The following DNM3 variants were observed in gnomAD, a reference collection of about 807,000 sequenced individuals.
DNM3 encodes the protein dynamin 3.
A neutral mutation model predicts 101.6 loss-of-function variants in DNM3; 47 were observed. The observed-to-expected ratio is 0.46, with a 90% CI of 0.37 to 0.59. The LOEUF is 0.59. Ranked by LOEUF, DNM3 falls within the 20% of genes least tolerant of loss-of-function variation. The pLI, the probability that DNM3 is intolerant of heterozygous loss-of-function variation, is 0.00. For missense variants in DNM3, 849 were observed against 1,085.7 expected (o/e 0.78, Z 3.06); for synonymous variants, 385 against 387.9 (o/e 0.99, Z 0.09).
At chr1:172,043,735 G>A (rs1333073762) in intron 8 of DNM3, among the ~76,000 whole-genome samples, 2 of 152,136 alleles carry the variant, frequency 1.3e-5, no homozygotes, top group African/African-American at 4.8e-5. Context: ...GGAGGAAATG[G>A]ACAGACAATG....
intron 1 of DNM3, among the ~76,000 whole-genome samples, chr1:171,865,348 T>C (rs1237614302): frequency 6.6e-6 from 1 of 151,234 alleles, no homozygotes; most frequent in African/African-American, 2.4e-5. Context: ...AAACCTCATC[T>C]CTACAAAAAA....
At position 172,261,890 on chromosome 1, in the gene DNM3, C is replaced by A. The variant is rs1331659814; in HGVS notation, c.1769+8208C>A. Among the ~76,000 whole-genome samples the A allele has an allele frequency of 2.6e-5, 4 of 152,114 alleles. No individual in the cohort carries two copies. The East Asian group carries it at 7.7e-4, about 29-fold the overall frequency. On this transcript the variant is annotated intron_variant, in intron 15 of 20. Coordinates refer to ENST00000627582, the MANE Select transcript of DNM3 (RefSeq NM_015569.5). ...ATGATCTTCAGGCCCCTGGAAAGTA[C>A]ATGCAGGTGATGCTCAGGCCCCTGG...
intron 1 of DNM3, among the ~76,000 whole-genome samples, chr1:171,903,820 C>T (rs1415457279): frequency 6.6e-6 from 1 of 152,074 alleles, no homozygotes; most frequent in Non-Finnish European, 1.5e-5. Flanking sequence ...TTTACATAGA[C>T]CTTGAACATT....
chr1:171,885,038 G>T lies in DNM3; in HGVS notation c.162-36710G>T, dbSNP rs532062356. ...GCTTGGCACAAGGTAGTTGCTTGGG[G>T]AATGGTGAATTGATCTATACAGTTA... On this transcript the variant is annotated intron_variant, in intron 1 of 20. Transcript: ENST00000627582. Among the ~76,000 whole-genome samples the T allele has an allele frequency of 1.3e-5, 2 of 152,250 alleles. 1 individual carries two copies. Among genetic ancestry groups the T allele is most frequent in the African/African-American group, 4.8e-5 (2 of 41,540 alleles).
chr1:171,845,824 C>T (rs544427716), intron 1 of DNM3, among the ~76,000 whole-genome samples: 4 of 152,194 alleles, frequency 2.6e-5, no homozygotes, highest in South Asian at 2.1e-4. Context: ...GTTGCTAATA[C>T]GCAGATGTTT....
intron 14 of DNM3, among the ~76,000 whole-genome samples, chr1:172,167,475 G>T (rs547616308): frequency 6.6e-6 from 1 of 152,154 alleles, no homozygotes; most frequent in Non-Finnish European, 1.5e-5. Context: ...TCTAGTTCTA[G>T]ATCCTTGAGG....
intron 1 of DNM3, among the ~76,000 whole-genome samples, chr1:171,882,331 G>C (rs534133910): frequency 2.8e-5 from 3 of 108,156 alleles, no homozygotes. Context: ...CAACAAGAGC[G>C]AAACTCCGTC....
intron 14 of DNM3, among the ~76,000 whole-genome samples, chr1:172,155,261 G>A (rs1298476187): frequency 2.0e-5 from 3 of 150,270 alleles, no homozygotes; most frequent in African/African-American, 7.4e-5. Flanking sequence ...TAATAAACAT[G>A]CATTTCTCAA....
At chr1:172,130,004 G>C (rs1261728275) in intron 13 of DNM3, among the ~76,000 whole-genome samples, 3 of 152,096 alleles carry the variant, frequency 2.0e-5, no homozygotes, top group Admixed American at 1.3e-4. Flanking sequence ...GGTGACAGGG[G>C]CTGGAAATAT....
intron 14 of DNM3, among the ~76,000 whole-genome samples, chr1:172,241,239 A>G (rs1573092563): frequency 6.7e-6 from 1 of 148,342 alleles, no homozygotes; most frequent in African/African-American, 2.5e-5. Context: ...ATATACATAG[A>G]TGTGTGTGTG....
intron 14 of DNM3, among the ~76,000 whole-genome samples, chr1:172,248,292 A>T (rs898722077): frequency 2.0e-4 from 31 of 152,174 alleles, no homozygotes; most frequent in Non-Finnish European, 3.8e-4. Context: ...TAATTTTTAC[A>T]CAATGGTCTA....
At chr1:172,308,602 C>A in intron 15 of DNM3, 126 bp from the exon 16 acceptor site, 49 of 411,070 alleles carry the variant, frequency 1.2e-4, no homozygotes, top group Admixed American at 1.7e-4. Flanking sequence ...TTTTTGTTTT[C>A]CTTCAGTGAC....
intron 14 of DNM3, among the ~76,000 whole-genome samples, chr1:172,176,214 G>A (rs753015225): frequency 6.6e-6 from 1 of 151,758 alleles, no homozygotes; most frequent in Non-Finnish European, 1.5e-5. Flanking sequence ...GATATAGGGT[G>A]GAAGCAGAAG....
chr1:172,068,628 G>T (rs2051895741), intron 10 of DNM3, among the ~76,000 whole-genome samples, 191 bp from the exon 11 acceptor site: 2 of 152,108 alleles, frequency 1.3e-5, no homozygotes, highest in South Asian at 4.1e-4. Context: ...ACATAACAAG[G>T]TTACTTCTGA....
chr1:171,841,709 A>G lies in DNM3; in HGVS notation c.53A>G (p.Asp18Gly). Residue 18 changes from aspartate (D) to glycine (G), a missense_variant, in exon 1 of 21, where the codon GAC becomes GGC. Asp to Gly is a moderately conservative substitution (Grantham distance 94, BLOSUM62 -1). This residue lies in a region of DNM3 where 388 missense variants were observed against 483.0 expected (regional missense o/e 0.80). Transcript: ENST00000627582. The part of the protein sequence containing the change: ...ELIPLVNRLQ[D>G]AFSALGQSCL... The stretch of plus-strand genomic sequence containing the variant: ...ATCCCGCTGGTGAACCGTCTGCAGG[A>G]CGCGTTTTCGGCGCTGGGACAGAGC... 6.2e-7 allele frequency: 1 copy of G among 1,611,842 alleles called. No homozygotes were observed. Among genetic ancestry groups the G allele is most frequent in the Non-Finnish European group, 8.5e-7 (1 of 1,179,392 alleles).
chr1:172,236,517 C>A (rs542195786), intron 14 of DNM3, among the ~76,000 whole-genome samples: 1 of 151,724 alleles, frequency 6.6e-6, no homozygotes, highest in South Asian at 2.1e-4. Flanking sequence ...TGTATATAAT[C>A]ATTAGGGTTT....
At position 172,047,290 on chromosome 1, in the gene DNM3, A is replaced by G. The variant is rs10910974; in HGVS notation, c.1197-1322A>G. Among the ~76,000 whole-genome samples, 1,363 of 152,262 alleles carry G rather than the reference A, an allele frequency of 9.0e-3. 18 individuals are homozygous for G. Among genetic ancestry groups the G allele is most frequent in the African/African-American group, 0.03 (1,253 of 41,552 alleles). On this transcript the variant is annotated intron_variant, in intron 9 of 20. Coordinates refer to ENST00000627582, the MANE Select transcript of DNM3 (RefSeq NM_015569.5). ...TGGAGCAAATCAAGATAAATAGGGT[A>G]ACAACTCTCCTTACTGTGTATCCTG...
chr1:172,398,400 G>T (rs12134821), intron 20 of DNM3, among the ~76,000 whole-genome samples: 2 of 152,126 alleles, frequency 1.3e-5, no homozygotes, highest in South Asian at 4.1e-4. Context: ...CCTCATCCAC[G>T]TACAACATTA....
At chr1:172,345,667 A>G (rs1046630064) in intron 17 of DNM3, among the ~76,000 whole-genome samples, 13 of 152,288 alleles carry the variant, frequency 8.5e-5, no homozygotes, top group Admixed American at 5.2e-4. Flanking sequence ...TTACTTATTC[A>G]TTATATAGAC....
Sources: allele counts gnomAD v4.1 joint callset (sites outside exome capture counted in the v4.1 genomes callset), GRCh38; gene constraint gnomAD v4.1.1; regional missense constraint gnomAD v4.1.1; transcripts MANE v1.5; gene names NCBI Gene and HGNC (gene_info 2026-07-23, HGNC 2026-07-21).